The following OPRK1 variants were observed in gnomAD, a reference collection of about 807,000 sequenced individuals.
OPRK1 encodes kappa-type opioid receptor.
A neutral mutation model predicts 24.5 loss-of-function variants in OPRK1; 15 were observed. The observed-to-expected ratio is 0.61, with a 90% confidence interval of 0.41 to 0.94. The LOEUF is 0.94. OPRK1 is among the 40% of genes least tolerant of loss of function. OPRK1 has a pLI of 0.00. For missense variants in OPRK1, 479 were observed against 507.3 expected, an observed-to-expected ratio of 0.94 and a Z score of 0.54; for synonymous variants, 205 against 198.0, an observed-to-expected ratio of 1.04 and a Z score of -0.30.
At chr8:53,243,527 C>T (rs969606086) in intron 2 of OPRK1, among the ~76,000 whole-genome samples, 11 of 152,198 alleles carry the variant, frequency 7.2e-5, no homozygotes, top group Non-Finnish European at 1.2e-4. Flanking sequence ...CTCACTTGCT[C>T]TCTTTCTCTC....
intron 3 of OPRK1, among the ~76,000 whole-genome samples, chr8:53,230,595 A>G (rs1322748868): frequency 6.6e-6 from 1 of 152,226 alleles, no homozygotes; most frequent in Non-Finnish European, 1.5e-5. Context: ...GAAAATTGCT[A>G]TATTTGCTCT....
chr8:53,230,048 A>C (rs1374686355), intron 3 of OPRK1, among the ~76,000 whole-genome samples: 1 of 151,896 alleles, frequency 6.6e-6, no homozygotes, highest in Non-Finnish European at 1.5e-5. Flanking sequence ...GTCACTGTTT[A>C]CTGGTAACAT....
At chr8:53,232,856 A>C (rs546126201) in intron 3 of OPRK1, among the ~76,000 whole-genome samples, 2 of 152,334 alleles carry the variant, frequency 1.3e-5, no homozygotes, top group Admixed American at 1.3e-4. Context: ...TACTATAAAA[A>C]AGTAAGAGCA....
In OPRK1 at chr8:53,229,968, T is replaced by C. The variant is rs1806814627; in HGVS notation, c.611-139A>G. 5 of 742,782 alleles carry C rather than the reference T, an allele frequency of 6.7e-6. No homozygotes were observed. In the South Asian group the frequency reaches 1.1e-4, roughly 17 times the overall value. 46.0% of individuals were successfully genotyped at this position (742,782 alleles called of 1,614,324 possible). On this transcript the variant is annotated intron_variant, in intron 3 of 3. Transcript: ENST00000265572. ...GTAAGATGACATTACCTGAAGTAGA[T>C]CACCAAATTACTAATGAATACTGTA... is the stretch of plus-strand genomic sequence containing the variant.
intron 3 of OPRK1, among the ~76,000 whole-genome samples, chr8:53,232,685 A>AAT (rs1806884454): frequency 6.6e-6 from 1 of 152,194 alleles, no homozygotes; most frequent in African/African-American, 2.4e-5. Context: ...TTTATATATT[A>AAT]ATATCAGAGG....
At chr8:53,230,751 C>T (rs1159693167) in intron 3 of OPRK1, among the ~76,000 whole-genome samples, 2 of 152,148 alleles carry the variant, frequency 1.3e-5, no homozygotes, top group East Asian at 1.9e-4. Context: ...ACATTTCCAA[C>T]CCCTGCCCCT....
chr8:53,251,188 G>C, intron 1 of OPRK1, 103 bp from the exon 2 acceptor site: 5 of 1,282,760 alleles, frequency 3.9e-6, no homozygotes, highest in Non-Finnish European at 5.1e-6. Flanking sequence ...CACCCGGGCC[G>C]CAAGTCGCCG....
At position 53,235,262 on chromosome 8, in the gene OPRK1, C is replaced by T. The variant is rs16918902; in HGVS notation, c.258-151G>A. 5.5e-3 allele frequency: 3,512 copies of T among 634,242 alleles called. 77 individuals carry two copies. Among genetic ancestry groups the T allele is most frequent in the African/African-American group, 0.054 (2,966 of 54,576 alleles). 39.3% of individuals were successfully genotyped at this position (634,242 alleles called of 1,614,324 possible). A position where few individuals can be genotyped will look rare whatever the true frequency, so the allele number is the denominator to read the frequency against. On this transcript the variant is annotated intron_variant, in intron 2 of 3. Transcript: ENST00000265572. ...GGGTCTAACATGTAAATGGACTGTT[C>T]TAGACATTGATAGGAAAAATGGACA...
intron 2 of OPRK1, 141 bp from the exon 3 acceptor site, chr8:53,235,252 A>G: frequency 3.0e-6 from 2 of 664,166 alleles, no homozygotes; most frequent in Non-Finnish European, 5.1e-6. Flanking sequence ...TAACATGTAA[A>G]TGGACTGTTC....
intron 3 of OPRK1, 73 bp from the exon 4 acceptor site, chr8:53,229,902 A>G (rs1430001964): frequency 2.2e-6 from 3 of 1,390,486 alleles, no homozygotes; most frequent in South Asian, 1.5e-5. Flanking sequence ...AGTGTTTTAA[A>G]TATGAATTTT....
chr8:53,242,170 C>A (rs1201799408), intron 2 of OPRK1, among the ~76,000 whole-genome samples: 1 of 152,174 alleles, frequency 6.6e-6, no homozygotes, highest in South Asian at 2.1e-4. Flanking sequence ...AGCCACAGAG[C>A]GTGGGCACAT....
At chr8:53,242,044 C>G (rs186276713) in intron 2 of OPRK1, among the ~76,000 whole-genome samples, 4 of 152,212 alleles carry the variant, frequency 2.6e-5, no homozygotes, top group African/African-American at 4.8e-5. Flanking sequence ...AATGGCACCT[C>G]GCTAATGACT....
intron 2 of OPRK1, among the ~76,000 whole-genome samples, chr8:53,247,749 A>T (rs977817633): frequency 1.7e-4 from 26 of 152,050 alleles, no homozygotes; most frequent in African/African-American, 6.3e-4. Flanking sequence ...TAATCCGAGC[A>T]CTTTGGGAGG....
chr8:53,245,332 G>C (rs936841027), intron 2 of OPRK1, among the ~76,000 whole-genome samples: 15 of 152,202 alleles, frequency 9.9e-5, no homozygotes, highest in Admixed American at 7.9e-4. Context: ...TAGGGGAAAG[G>C]CTATGTGAAG....
chr8:53,240,981 C>T (rs562357270), intron 2 of OPRK1, among the ~76,000 whole-genome samples: 1 of 152,006 alleles, frequency 6.6e-6, no homozygotes, highest in Non-Finnish European at 1.5e-5. Flanking sequence ...GTCAATTATG[C>T]CTCACCAAAG....
At chr8:53,234,518 C>A (rs1806938613) in intron 3 of OPRK1, among the ~76,000 whole-genome samples, 1 of 152,244 alleles carries the variant, frequency 6.6e-6, no homozygotes, top group Admixed American at 6.5e-5. Flanking sequence ...CTAAACATTG[C>A]CAGAATGGGA....
rs753203404 is a variant in OPRK1 at position 53,250,810 on chromosome 8, G to T, written c.228C>A (p.Gly76=). The T allele has an allele frequency of 1.9e-6, 3 of 1,610,220 alleles. No homozygotes were observed. In the South Asian group the frequency reaches 3.3e-5, roughly 18 times the overall value. The change falls in exon 2 of 4, where the codon GGC becomes GGA. Residue 76 remains glycine (G), a synonymous_variant. Transcript: ENST00000265572. ...YSVVFVVGLV[G]NSLVMFVIIR... ...TGATCACGAACATGACCAGCGAGTT[G>T]CCCACCAAGCCCACGACGAACACTA...
At position 53,227,764 on chromosome 8, in the gene OPRK1, C is replaced by T. The variant is rs1423600434; in HGVS notation, c.*1533G>A. On this transcript the variant is annotated 3_prime_UTR_variant, in exon 4 of 4. Transcript: ENST00000265572. ...TGTTTCCAAAAGGTGAGAGTACATA[C>T]ACCACCGAGAACTTGCATGGTGAAC... is the stretch of plus-strand genomic sequence containing the variant. The T allele has an allele frequency of 2.0e-5, 3 of 148,256 alleles. No homozygotes were observed. The highest frequency in any genetic ancestry group is 6.8e-5 in the Admixed American group (1 of 14,798). 9.2% of individuals were successfully genotyped at this position (148,256 alleles called of 1,614,324 possible).
At chr8:53,242,377 A>G (rs1383169528) in intron 2 of OPRK1, among the ~76,000 whole-genome samples, 1 of 152,204 alleles carries the variant, frequency 6.6e-6, no homozygotes, top group Non-Finnish European at 1.5e-5. Flanking sequence ...TGATTTCCTC[A>G]TCTGAAAACG....
Sources: gnomAD v4.1 joint callset for allele counts (sites outside exome capture counted in the v4.1 genomes callset) on GRCh38, gnomAD v4.1.1 for gene constraint, MANE v1.5 for transcripts, NCBI Gene and HGNC (gene_info 2026-07-23, HGNC 2026-07-21) for gene names.